COBL: variants seen among roughly 807,000 people sequenced by gnomAD.
COBL encodes cordon-bleu WH2 repeat protein.
Under a neutral mutation model 98.8 loss-of-function variants are expected in COBL, and 51 were observed. The ratio of observed to expected loss-of-function variants is 0.52; its 90% CI spans 0.41 to 0.65. The LOEUF (loss-of-function observed/expected upper bound fraction) is 0.65, where lower values mean the gene tolerates loss of function less well. Among genes scored for constraint, COBL ranks in the 30% least tolerant of loss-of-function variants. The pLI is 0.00. For synonymous variants in COBL, 634 were observed against 651.7 expected, an observed-to-expected ratio of 0.97 and a Z score of 0.41; for missense variants, 1,617 against 1,617.5, an observed-to-expected ratio of 1.00 and a Z score of 0.01.
At chr7:51,280,044 C>T (rs1157105251) in intron 1 of COBL, among the ~76,000 whole-genome samples, 2 of 152,138 alleles carry the variant, frequency 1.3e-5, no homozygotes, top group Non-Finnish European at 2.9e-5. Flanking sequence ...ACATTGTGCC[C>T]TCTCTCCTCC....
chr7:51,271,538 G>A (rs1290519657), intron 1 of COBL, among the ~76,000 whole-genome samples: 1 of 152,210 alleles, frequency 6.6e-6, no homozygotes, highest in African/African-American at 2.4e-5. Context: ...AGCGTAGCAT[G>A]AGTCTCATGA....
Position 51,193,788 on chromosome 7 carries a change from A to C in COBL, c.246-199T>G, listed in dbSNP as rs546844035. ...TTAACATTTTCAGCACTAACAAACA[A>C]CACTATTGAAAGAGAAAAATCATAA... On this transcript the variant is annotated intron_variant, in intron 2 of 12. Coordinates refer to ENST00000265136, the MANE Select transcript of COBL (RefSeq NM_015198.5). 5.9e-4 allele frequency among the ~76,000 whole-genome samples: 90 copies of C among 152,320 alleles called. 1 individual carries two copies. The highest frequency in any genetic ancestry group is 4.6e-3 in the Admixed American group (71 of 15,300).
intron 8 of COBL, among the ~76,000 whole-genome samples, chr7:51,036,831 C>T (rs976977696): frequency 2.6e-5 from 4 of 152,194 alleles, no homozygotes; most frequent in African/African-American, 9.6e-5. Context: ...CTGACACCCA[C>T]TTATTCGATC....
intron 7 of COBL, among the ~76,000 whole-genome samples, chr7:51,049,050 T>C (rs1789989391): frequency 6.6e-6 from 1 of 152,200 alleles, no homozygotes; most frequent in Non-Finnish European, 1.5e-5. Flanking sequence ...TTCTAAAACT[T>C]TTCCTCTAAT....
chr7:51,019,383 A>G (rs10265707), intron 12 of COBL, among the ~76,000 whole-genome samples: 2,759 of 152,250 alleles, frequency 0.018, 83 homozygotes, highest in African/African-American at 0.063. Context: ...CATCCAACAA[A>G]AACCACACCA....
At chr7:51,020,310 G>A (rs1447141816) in intron 12 of COBL, among the ~76,000 whole-genome samples, 1 of 152,140 alleles carries the variant, frequency 6.6e-6, no homozygotes, top group Non-Finnish European at 1.5e-5. Flanking sequence ...ACAAGTCATC[G>A]GGATTAGCCT....
At chr7:51,076,042 G>A (rs1793041495) in intron 7 of COBL, among the ~76,000 whole-genome samples, 1 of 152,204 alleles carries the variant, frequency 6.6e-6, no homozygotes, top group Non-Finnish European at 1.5e-5. Context: ...CCCCGTGGCA[G>A]CAGGAACAGC....
intron 1 of COBL, among the ~76,000 whole-genome samples, chr7:51,301,984 C>G (rs1260756712): frequency 6.6e-6 from 1 of 152,202 alleles, no homozygotes; most frequent in African/African-American, 2.4e-5. Context: ...GGCTCCTGAA[C>G]AGTCAGAGCC....
At chr7:51,068,496 G>A (rs1470086475) in intron 7 of COBL, among the ~76,000 whole-genome samples, 2 of 152,084 alleles carry the variant, frequency 1.3e-5, no homozygotes, top group East Asian at 1.9e-4. Context: ...TTTCCCATTC[G>A]ATGTACAGTA....
intron 3 of COBL, among the ~76,000 whole-genome samples, chr7:51,191,653 C>G (rs962911910): frequency 2.0e-5 from 3 of 151,862 alleles, no homozygotes; most frequent in African/African-American, 7.3e-5. Context: ...ATACACACTA[C>G]ACACACGTAT....
chr7:51,102,426 G>A (rs1795890616), intron 6 of COBL, among the ~76,000 whole-genome samples: 1 of 152,150 alleles, frequency 6.6e-6, no homozygotes, highest in Non-Finnish European at 1.5e-5. Context: ...AAAGAGGACA[G>A]ATAAGAACTC....
chr7:51,053,297 G>T (rs936456319), intron 7 of COBL, among the ~76,000 whole-genome samples: 1 of 152,166 alleles, frequency 6.6e-6, no homozygotes, highest in Non-Finnish European at 1.5e-5. Context: ...CGGATGATAA[G>T]AGAGGAAAGG....
intron 1 of COBL, among the ~76,000 whole-genome samples, chr7:51,231,796 G>A (rs572966272): frequency 4.6e-5 from 7 of 152,264 alleles, no homozygotes; most frequent in South Asian, 2.1e-4. Context: ...CCACACACCC[G>A]CAGATAAACG....
At chr7:51,029,699 T>C (rs1165977917) in intron 9 of COBL, 108 bp from the exon 10 acceptor site, 1 of 886,888 alleles carries the variant, frequency 1.1e-6, no homozygotes, top group African/African-American at 1.7e-5. Context: ...ATACATTATT[T>C]ATATACGTTT....
intron 2 of COBL, among the ~76,000 whole-genome samples, chr7:51,209,061 A>C (rs533846364): frequency 8.8e-5 from 10 of 113,838 alleles, no homozygotes; most frequent in Admixed American, 3.1e-4. Context: ...AAAAAAAAAA[A>C]AAAAAAAAAA....
chr7:51,114,600 C>T (rs1041999904), intron 6 of COBL, among the ~76,000 whole-genome samples: 3 of 152,160 alleles, frequency 2.0e-5, no homozygotes, highest in African/African-American at 4.8e-5. Context: ...ATCTGCCATT[C>T]TCTGTCCTTG....
chr7:51,083,877 G>C (rs1306814057), intron 7 of COBL, among the ~76,000 whole-genome samples: 1 of 152,112 alleles, frequency 6.6e-6, no homozygotes, highest in African/African-American at 2.4e-5. Context: ...TGAAGTGACT[G>C]GCCTAGGGAT....
chr7:51,187,331 T>TATATAC (rs1554421096), intron 4 of COBL, among the ~76,000 whole-genome samples: 34 of 101,454 alleles, frequency 3.4e-4, no homozygotes, highest in African/African-American at 1.0e-3. Context: ...TATATATATA[T>TATATAC]ACACACACAC....
intron 7 of COBL, chr7:51,082,981 G>C: frequency 7.1e-7 from 1 of 1,398,644 alleles, no homozygotes; most frequent in South Asian, 1.2e-5. Context: ...TGGAAAATCT[G>C]GAAACCCAGC....
Sources: gnomAD v4.1 joint callset for allele counts (sites outside exome capture counted in the v4.1 genomes callset) on GRCh38, gnomAD v4.1.1 for gene constraint, MANE v1.5 for transcripts, NCBI Gene and HGNC (gene_info 2026-07-23, HGNC 2026-07-21) for gene names.